The following ENOX1 variants were observed in gnomAD, a reference collection of about 807,000 sequenced individuals.
ENOX1 encodes the protein ecto-NOX disulfide-thiol exchanger 1.
A neutral mutation model predicts 82.5 loss-of-function variants in ENOX1; 42 were observed. That is an observed-to-expected ratio of 0.51 (90% CI 0.40 to 0.66). The LOEUF (loss-of-function observed/expected upper bound fraction) is 0.66. Ranked by LOEUF, ENOX1 falls within the 30% of genes least tolerant of loss-of-function variation. ENOX1 has a pLI of 0.00. For missense variants in ENOX1, 608 were observed against 811.6 expected (o/e 0.75, Z 3.05); for synonymous variants, 271 against 282.2 (o/e 0.96, Z 0.40).
At chr13:43,450,307 T>C (rs534995149) in intron 3 of ENOX1, among the ~76,000 whole-genome samples, 2 of 152,194 alleles carry the variant, frequency 1.3e-5, no homozygotes, top group Non-Finnish European at 2.9e-5. Context: ...GGGCAGCAGA[T>C]GGCAGGAAGA....
In ENOX1 at chr13:43,213,802, A is replaced by G; in HGVS notation, c.*188T>C. On this transcript the variant is annotated 3_prime_UTR_variant, in exon 17 of 17. Coordinates refer to ENST00000690772, the MANE Select transcript of ENOX1 (RefSeq NM_001347969.2). Reference sequence around the variant, plus strand: ...TCTGTCACAGTATGAAGCTTTGTTTATTTTAAGAAACTGGTACACAATTAC... The same window carrying G: ...TCTGTCACAGTATGAAGCTTTGTTTGTTTTAAGAAACTGGTACACAATTAC... 2.1e-6 allele frequency: 1 copy of G among 483,428 alleles called. No individual in the cohort carries two copies. Among genetic ancestry groups the G allele is most frequent in the Non-Finnish European group, 3.5e-6 (1 of 286,364 alleles). The allele number at this position is 483,428 out of a possible 1,614,324, so 29.9% of individuals were successfully genotyped here.
intron 1 of ENOX1, among the ~76,000 whole-genome samples, chr13:43,780,224 T>C (rs543762636): frequency 2.0e-5 from 3 of 151,556 alleles, no homozygotes; most frequent in African/African-American, 7.3e-5. Flanking sequence ...ACCATTTATA[T>C]GGTAAATGCC....
intron 9 of ENOX1, among the ~76,000 whole-genome samples, chr13:43,333,778 A>C (rs1011501476): frequency 6.6e-5 from 10 of 152,158 alleles, no homozygotes; most frequent in Admixed American, 5.9e-4. Flanking sequence ...GCGCACCACC[A>C]CACCCGGCTA....
At chr13:43,274,742 A>G (rs897176494) in intron 12 of ENOX1, among the ~76,000 whole-genome samples, 2 of 152,234 alleles carry the variant, frequency 1.3e-5, no homozygotes, top group African/African-American at 4.8e-5. Flanking sequence ...CCATATGCCA[A>G]TCAAGTGGAA....
At position 43,224,149 on chromosome 13, in the gene ENOX1, AAG is replaced by A. The variant is rs2041923959; in HGVS notation, c.1715-13_1715-12del. ...ACGTTGATATGATACCTGAATTAAAAAGGCAAACATTGGAAATTATTCAAAGG... is the reference window on the plus strand; with the variant it reads ...ACGTTGATATGATACCTGAATTAAAAGCAAACATTGGAAATTATTCAAAGG... On this transcript the variant is annotated splice_polypyrimidine_tract_variant and intron_variant, in intron 15 of 16. Transcript: ENST00000690772. 3.7e-6 allele frequency: 6 copies of A among 1,606,736 alleles called. No individual in the cohort carries two copies. The highest frequency in any genetic ancestry group is 5.1e-6 in the Non-Finnish European group (6 of 1,173,360).
At chr13:43,451,131 C>T (rs907433275) in intron 3 of ENOX1, among the ~76,000 whole-genome samples, 1 of 152,194 alleles carries the variant, frequency 6.6e-6, no homozygotes, top group African/African-American at 2.4e-5. Context: ...GGTCTTCTCT[C>T]TGGCTCATCT....
At chr13:43,351,808 T>C (rs190216828) in intron 8 of ENOX1, among the ~76,000 whole-genome samples, 160 of 151,946 alleles carry the variant, frequency 1.1e-3, no homozygotes, top group South Asian at 2.9e-3. Context: ...TGCCACATTT[T>C]CTTAATCCAG....
At chr13:43,269,940 T>C (rs957655971) in intron 12 of ENOX1, among the ~76,000 whole-genome samples, 10 of 152,236 alleles carry the variant, frequency 6.6e-5, no homozygotes, top group African/African-American at 2.2e-4. Flanking sequence ...ATTTCACATA[T>C]TACAGTAAAG....
intron 3 of ENOX1, among the ~76,000 whole-genome samples, chr13:43,421,668 C>A (rs566785456): frequency 6.6e-6 from 1 of 152,246 alleles, no homozygotes; most frequent in South Asian, 2.1e-4. Context: ...TCATAGCACT[C>A]TGTACCTTGC....
chr13:43,690,462 T>C (rs942552505), intron 1 of ENOX1, among the ~76,000 whole-genome samples: 5 of 152,152 alleles, frequency 3.3e-5, no homozygotes, highest in South Asian at 2.1e-4. Flanking sequence ...CATATTTCCT[T>C]ACTTAATGAC....
chr13:43,362,229 GCTTT>G (rs2050569941), intron 5 of ENOX1, among the ~76,000 whole-genome samples: 1 of 149,032 alleles, frequency 6.7e-6, no homozygotes, highest in South Asian at 2.1e-4. Context: ...GGGTTTTCCA[GCTTT>G]TTTTTTTTTT....
chr13:43,700,594 A>G (rs393632), intron 1 of ENOX1, among the ~76,000 whole-genome samples: 117,475 of 152,010 alleles, frequency 0.77, 48,299 homozygotes, highest in South Asian at 0.93. Context: ...CAAATCCAGG[A>G]AACTTGGTTT....
At chr13:43,635,581 C>T (rs2153752680) in intron 2 of ENOX1, among the ~76,000 whole-genome samples, 1 of 152,250 alleles carries the variant, frequency 6.6e-6, no homozygotes, top group Middle Eastern at 3.4e-3. Flanking sequence ...ATGTTCAGCT[C>T]ATATATTTCC....
rs546821123 is a variant in ENOX1, at chr13:43,271,103, C to A, written c.1447-1526G>T. ...TGAATTTTACTTCATGAGACGATTTCAAATCCAATCCTTAAATCTCTTTTG... is the reference window on the plus strand; with the variant it reads ...TGAATTTTACTTCATGAGACGATTTAAAATCCAATCCTTAAATCTCTTTTG... On this transcript the variant is annotated intron_variant, in intron 12 of 16. Coordinates refer to ENST00000690772, the MANE Select transcript of ENOX1 (RefSeq NM_001347969.2). Among the ~76,000 whole-genome samples the A allele has an allele frequency of 7.3e-4, 111 of 152,268 alleles. 1 individual carries two copies. Among genetic ancestry groups the A allele is most frequent in the African/African-American group, 2.6e-3 (107 of 41,558 alleles).
intron 5 of ENOX1, among the ~76,000 whole-genome samples, chr13:43,373,005 G>A (rs563003760): frequency 6.6e-6 from 1 of 152,054 alleles, no homozygotes; most frequent in African/African-American, 2.4e-5. Flanking sequence ...TTAGTGTTAC[G>A]AATTAAAATA....
At chr13:43,582,653 A>G (rs192966704) in intron 2 of ENOX1, among the ~76,000 whole-genome samples, 1 of 152,038 alleles carries the variant, frequency 6.6e-6, no homozygotes, top group Admixed American at 6.5e-5. Context: ...GGCTCACTGC[A>G]CACTCAACCT....
At chr13:43,589,643 TAGGCGA>T (rs2081153801) in intron 2 of ENOX1, among the ~76,000 whole-genome samples, 1 of 152,174 alleles carries the variant, frequency 6.6e-6, no homozygotes, top group African/African-American at 2.4e-5. Context: ...AGCCAGACTA[TAGGCGA>T]ATGCCACTAT....
chr13:43,736,734 C>T (rs1349307149), intron 1 of ENOX1, among the ~76,000 whole-genome samples: 1 of 152,140 alleles, frequency 6.6e-6, no homozygotes, highest in African/African-American at 2.4e-5. Context: ...TCTGCAGAAC[C>T]AGCCACCAGG....
At chr13:43,400,509 T>C (rs1224061757) in intron 5 of ENOX1, among the ~76,000 whole-genome samples, 3 of 152,216 alleles carry the variant, frequency 2.0e-5, no homozygotes, top group Non-Finnish European at 4.4e-5. Context: ...CAGACTGCAA[T>C]GTATATATTC....
Sources: allele counts gnomAD v4.1 joint callset (sites outside exome capture counted in the v4.1 genomes callset), GRCh38; gene constraint gnomAD v4.1.1; transcripts MANE v1.5; gene names NCBI Gene and HGNC (gene_info 2026-07-23, HGNC 2026-07-21).